Variants in PLSCR5 observed in about 807,000 individuals in gnomAD.
PLSCR5 encodes the protein phospholipid scramblase family member 5, also known as phospholipid scramblase family, member 5.
In PLSCR5, 44 loss-of-function variants were observed where a neutral mutation model predicts 33.6. The observed-to-expected ratio is 1.31, with a 90% CI of 1.03 to 1.69. The LOEUF (loss-of-function observed/expected upper bound fraction) is 1.69. Among genes scored for constraint, PLSCR5 ranks in the 40% most tolerant of loss-of-function variants. PLSCR5 has a pLI of 0.00. For synonymous variants in PLSCR5, 148 were observed against 112.3 expected (o/e 1.32, Z -2.01); for missense variants, 375 against 318.7 (o/e 1.18, Z -1.34).
chr3:146,589,893 G>T, intron 5 of PLSCR5, 79 bp from the exon 6 acceptor site: 2 of 871,420 alleles, frequency 2.3e-6, no homozygotes, highest in Admixed American at 2.8e-5. Context: ...TTTACTTCAT[G>T]AGAGATTTGA....
At chr3:146,584,344 A>T (rs2044652142), downstream of PLSCR5, among the ~76,000 whole-genome samples, 1 of 152,158 alleles carries the variant, frequency 6.6e-6, no homozygotes, top group Non-Finnish European at 1.5e-5. Flanking sequence ...ATCCCCAAAG[A>T]TCACAGTTTA....
chr3:146,603,230 C>T (rs2044834377), intron 1 of PLSCR5, among the ~76,000 whole-genome samples: 1 of 151,926 alleles, frequency 6.6e-6, no homozygotes, highest in African/African-American at 2.4e-5. Context: ...ATGCTAATTG[C>T]CAATATAGTT....
chr3:146,583,503 T>C (rs1261823716), downstream of PLSCR5, among the ~76,000 whole-genome samples: 5 of 152,250 alleles, frequency 3.3e-5, no homozygotes, highest in Non-Finnish European at 7.4e-5. Flanking sequence ...AGCTGCATGC[T>C]TTTCACTAAA....
Position 146,585,912 on chromosome 3 carries a change from T to G in PLSCR5, c.*75A>C. The G allele has an allele frequency of 1.5e-6, 1 of 671,756 alleles. No homozygotes were observed. Among genetic ancestry groups the G allele is most frequent in the Non-Finnish European group, 2.3e-6 (1 of 442,416 alleles). The allele number at this position is 671,756 out of a possible 1,614,324, so 41.6% of individuals were successfully genotyped here. A position where few individuals can be genotyped will look rare whatever the true frequency, so the allele number is the denominator to read the frequency against. On this transcript the variant is annotated 3_prime_UTR_variant, in exon 8 of 8. Transcript: ENST00000443512. ...ACAAAAAAGCAAACATTCAAACCAT[T>G]CAGAAATGAAATCCAGAGCCCAAGG...
In PLSCR5 at chr3:146,587,177, C is replaced by G. The variant is rs554811491; in HGVS notation, c.778-1065G>C. 1.7e-4 allele frequency among the ~76,000 whole-genome samples: 26 copies of G among 152,214 alleles called. 1 individual carries two copies. Among genetic ancestry groups the G allele is most frequent in the African/African-American group, 5.1e-4 (21 of 41,540 alleles). ...TGCATCTGGGGTGGGATCTGAGATT[C>G]TTTGCTTTGAGCGAGCTTCTAGGTG... On this transcript the variant is annotated intron_variant, in intron 6 of 7. Coordinates refer to ENST00000443512, the MANE Select transcript of PLSCR5 (RefSeq NM_001085420.2).
At chr3:146,601,536 A>G (rs534795215) in intron 1 of PLSCR5, among the ~76,000 whole-genome samples, 15 of 152,158 alleles carry the variant, frequency 9.9e-5, no homozygotes, top group Admixed American at 2.0e-4. Flanking sequence ...GGCCGTTATG[A>G]AGACAAGTAA....
chr3:146,594,807 T>C (rs1019612032), intron 3 of PLSCR5, among the ~76,000 whole-genome samples: 6 of 152,168 alleles, frequency 3.9e-5, no homozygotes, highest in African/African-American at 1.2e-4. Context: ...TGTCAGAATT[T>C]GAATGGCAAT....
chr3:146,603,033 C>G (rs1055112109), intron 1 of PLSCR5, among the ~76,000 whole-genome samples: 1 of 152,052 alleles, frequency 6.6e-6, no homozygotes, highest in Admixed American at 6.6e-5. Flanking sequence ...GTTCAGATCA[C>G]CGTGTTTGAG....
At chr3:146,584,074 A>G (rs1267084076), downstream of PLSCR5, among the ~76,000 whole-genome samples, 1 of 152,182 alleles carries the variant, frequency 6.6e-6, no homozygotes, top group Admixed American at 6.5e-5. Flanking sequence ...TCATCCTCAT[A>G]CTGACTGATT....
intron 2 of PLSCR5, among the ~76,000 whole-genome samples, chr3:146,596,112 TA>T (rs1263287236): frequency 1.3e-5 from 2 of 152,238 alleles, no homozygotes; most frequent in Non-Finnish European, 1.5e-5. Flanking sequence ...ATGATTAAAT[TA>T]AAAAATCTGT....
At chr3:146,599,387 C>T (rs946400590) in intron 2 of PLSCR5, among the ~76,000 whole-genome samples, 5 of 152,070 alleles carry the variant, frequency 3.3e-5, no homozygotes, top group African/African-American at 1.2e-4. Context: ...AGACATTGAA[C>T]TCAGCTCATT....
chr3:146,592,593 T>A (rs1355854530), intron 4 of PLSCR5, among the ~76,000 whole-genome samples: 1 of 152,104 alleles, frequency 6.6e-6, no homozygotes, highest in Non-Finnish European at 1.5e-5. Flanking sequence ...ATCGCCATCA[T>A]CTGATCTCAT....
At chr3:146,583,188 C>T (rs1183156793), downstream of PLSCR5, among the ~76,000 whole-genome samples, 2 of 152,176 alleles carry the variant, frequency 1.3e-5, no homozygotes, top group African/African-American at 4.8e-5. Flanking sequence ...CCATTAAACA[C>T]TTCTCATATC....
At position 146,585,960 on chromosome 3, in the gene PLSCR5, A is replaced by T; in HGVS notation, c.*45-18T>A. ...AGGGATTTCTAGAAGAAAATGAAAA[A>T]GAGTTAGATAGCGTCAAATATAGAC... On this transcript the variant is annotated intron_variant, in intron 7 of 7. Transcript: ENST00000443512. The T allele has an allele frequency of 8.9e-7, 1 of 1,123,690 alleles. No homozygotes were observed. The highest frequency in any genetic ancestry group is 1.2e-6 in the Non-Finnish European group (1 of 835,764). The allele number at this position is 1,123,690 out of a possible 1,614,324, so 69.6% of individuals were successfully genotyped here.
At chr3:146,594,796 A>T (rs535458919) in intron 3 of PLSCR5, among the ~76,000 whole-genome samples, 1 of 152,134 alleles carries the variant, frequency 6.6e-6, no homozygotes, top group South Asian at 2.1e-4. Context: ...AGTATATGTA[A>T]TGTCAGAATT....
chr3:146,597,759 C>A (rs561085541), intron 2 of PLSCR5, among the ~76,000 whole-genome samples: 1 of 152,076 alleles, frequency 6.6e-6, no homozygotes, highest in Non-Finnish European at 1.5e-5. Context: ...TAAAACTTAA[C>A]TCCTTAAGTA....
At chr3:146,584,780 G>A (rs1278172201), downstream of PLSCR5, among the ~76,000 whole-genome samples, 1 of 151,994 alleles carries the variant, frequency 6.6e-6, no homozygotes, top group Non-Finnish European at 1.5e-5. Flanking sequence ...GTGTTCTCTG[G>A]GGAACTTACT....
At chr3:146,602,248 A>G (rs1364374940) in intron 1 of PLSCR5, among the ~76,000 whole-genome samples, 1 of 152,156 alleles carries the variant, frequency 6.6e-6, no homozygotes, top group Non-Finnish European at 1.5e-5. Flanking sequence ...CCAGAGAAAG[A>G]CTATGTAACA....
At chr3:146,578,567 T>G (rs974336589) in intron 7 of PLSCR5, among the ~76,000 whole-genome samples, 2 of 152,116 alleles carry the variant, frequency 1.3e-5, no homozygotes, top group Non-Finnish European at 2.9e-5. Context: ...AGCTAACAGT[T>G]TTGTAAAATC....
Sources: allele counts gnomAD v4.1 joint callset (sites outside exome capture counted in the v4.1 genomes callset), GRCh38; gene constraint gnomAD v4.1.1; transcripts MANE v1.5; gene names NCBI Gene and HGNC (gene_info 2026-07-23, HGNC 2026-07-21).